Variants in BCL9 observed in about 807,000 individuals in gnomAD.
BCL9 encodes B-cell CLL/lymphoma 9 protein.
A neutral mutation model predicts 88.5 loss-of-function variants in BCL9; 25 were observed. The ratio of observed to expected loss-of-function variants is 0.28; its 90% CI spans 0.21 to 0.39. The LOEUF is 0.39. BCL9 is among the 10% of genes least tolerant of loss of function. The probability of loss-of-function intolerance (pLI) is 1.00; values close to 1 mark genes in which losing one functional copy is unlikely to be tolerated. For missense variants in BCL9, 1,817 were observed against 1,877.8 expected, an observed-to-expected ratio of 0.97 and a Z score of 0.60; for synonymous variants, 711 against 673.3, an observed-to-expected ratio of 1.06 and a Z score of -0.87.
intron 1 of BCL9, among the ~76,000 whole-genome samples, chr1:147,602,808 T>TG (rs138939565): frequency 0.024 from 3,607 of 152,136 alleles, 128 homozygotes; most frequent in African/African-American, 0.08. Flanking sequence ...CTCTTGTTTG[T>TG]GGGGGGAAAA....
intron 1 of BCL9, among the ~76,000 whole-genome samples, chr1:147,593,785 C>T (rs1553200188): frequency 6.6e-6 from 1 of 151,930 alleles, no homozygotes; most frequent in African/African-American, 2.4e-5. Context: ...AGTAGTTGCT[C>T]AATAAATATT....
At position 147,624,582 on chromosome 1, in the gene BCL9, A is replaced by G. The variant is rs1553206166; in HGVS notation, c.3904A>G (p.Ile1302Val). 1 of 1,614,166 alleles carries G rather than the reference A, an allele frequency of 6.2e-7. No homozygotes were observed. Among genetic ancestry groups the G allele is most frequent in the East Asian group, 2.2e-5 (1 of 44,864 alleles). The change falls in exon 10 of 10, where the codon ATC (isoleucine) becomes GTC (valine). Residue 1302 changes from isoleucine (I) to valine (V), a missense_variant. Transcript: ENST00000234739. The surrounding 1 kb of genome is among the most constrained non-coding windows in gnomAD (Gnocchi z 4.4). ...TCCAGGGCCAGTGGGAACTCCGGAC[A>G]TCCCTCTTGGTACAGCTCCATCCAT... Reference protein sequence around the residue: ...GGPGPVGTPDIPLGTAPSMPG... With the variant: ...GGPGPVGTPDVPLGTAPSMPG...
chr1:147,597,762 T>A (rs1553200636), intron 1 of BCL9, among the ~76,000 whole-genome samples: 1 of 152,222 alleles, frequency 6.6e-6, no homozygotes, highest in Non-Finnish European at 1.5e-5. Context: ...ATGGAACCTC[T>A]AACCTTTAGA....
chr1:147,619,885 A>G lies in BCL9; in HGVS notation c.1730A>G (p.Asn577Ser), dbSNP rs1553204807. 6.2e-7 allele frequency: 1 copy of G among 1,614,212 alleles called. No individual in the cohort carries two copies. The stretch of plus-strand genomic sequence containing the variant: ...ATAAACTCTGAAATGGAAGGGCCGA[A>G]TGTCCCCAACCCTGCATCTAGACCA... Reference protein sequence around the residue: ...GMINSEMEGPNVPNPASRPGL... With the variant: ...GMINSEMEGPSVPNPASRPGL... Residue 577 changes from asparagine (N) to serine (S), a missense_variant, in exon 8 of 10, where the codon AAT becomes AGT. Physicochemically the swap from Asn to Ser is conservative, Grantham distance 46. Around this residue, in one of 2 missense-constraint regions of BCL9, gnomAD observed 1,228 missense variants for 1,191.6 expected, o/e 1.03. Coordinates refer to ENST00000234739, the MANE Select transcript of BCL9 (RefSeq NM_004326.4). The surrounding 1 kb of genome is among the most constrained non-coding windows in gnomAD (Gnocchi z 4.1).
chr1:147,552,663 A>G (rs1381864000), intron 1 of BCL9, among the ~76,000 whole-genome samples: 3 of 152,228 alleles, frequency 2.0e-5, no homozygotes, highest in African/African-American at 7.2e-5. Context: ...GCTTTTAAAG[A>G]TTAGTTTCCT....
In BCL9 at chr1:147,623,906, C is replaced by T. The variant is rs781831442; in HGVS notation, c.3228C>T (p.Thr1076=). Residue 1076 remains threonine (T), a synonymous_variant, in exon 10 of 10, where the codon ACC becomes ACT. Transcript: ENST00000234739. ...CAAACCCCGTGGTTCCGATGCCAAC[C>T]CTCAGCCCAATGGGAATGACCCAGC... ...SGPNPVVPMP[T]LSPMGMTQPL... is the part of the protein sequence containing the mutation. The T allele has an allele frequency of 1.5e-5, 24 of 1,614,072 alleles. No individual in the cohort carries two copies. The highest frequency in any genetic ancestry group is 3.3e-5 in the Admixed American group (2 of 60,014).
chr1:147,617,077 G>T (rs587684314), intron 7 of BCL9, among the ~76,000 whole-genome samples: 1 of 152,270 alleles, frequency 6.6e-6, no homozygotes, highest in African/African-American at 2.4e-5. Flanking sequence ...CAGAGCTTAG[G>T]CCTTCCTAAA....
intron 1 of BCL9, among the ~76,000 whole-genome samples, chr1:147,564,893 C>T (rs1049014607): frequency 3.9e-5 from 6 of 152,038 alleles, no homozygotes; most frequent in Non-Finnish European, 5.9e-5. Context: ...AACCACTATC[C>T]GTATGTGGCC....
At chr1:147,549,224 A>G (rs1327666262) in intron 1 of BCL9, among the ~76,000 whole-genome samples, 7 of 151,712 alleles carry the variant, frequency 4.6e-5, no homozygotes, top group African/African-American at 1.5e-4. Context: ...CGATCCACCC[A>G]CCTCAACCTC....
At chr1:147,588,629 A>G (rs1656720861) in intron 1 of BCL9, among the ~76,000 whole-genome samples, 1 of 152,016 alleles carries the variant, frequency 6.6e-6, no homozygotes, top group Non-Finnish European at 1.5e-5. Flanking sequence ...GAAGAGGAGG[A>G]TTTGTCCCAA....
At chr1:147,616,987 A>G (rs1658314625) in intron 7 of BCL9, among the ~76,000 whole-genome samples, 1 of 152,218 alleles carries the variant, frequency 6.6e-6, no homozygotes, top group Non-Finnish European at 1.5e-5. Context: ...ATAAATGATC[A>G]AAGTGACAAT....
intron 1 of BCL9, among the ~76,000 whole-genome samples, chr1:147,573,739 T>C (rs1378129739): frequency 6.6e-6 from 1 of 152,184 alleles, no homozygotes; most frequent in Non-Finnish European, 1.5e-5. Flanking sequence ...TTTAACACAA[T>C]GCCTGGTTCA....
intron 1 of BCL9, among the ~76,000 whole-genome samples, chr1:147,544,267 T>C (rs1350082877): frequency 6.6e-6 from 1 of 152,186 alleles, no homozygotes; most frequent in African/African-American, 2.4e-5. Context: ...TGACTCAAAG[T>C]GTGTAACTAG....
chr1:147,587,854 G>A (rs1212968470), intron 1 of BCL9, among the ~76,000 whole-genome samples: 1 of 151,814 alleles, frequency 6.6e-6, no homozygotes, highest in African/African-American at 2.4e-5. Context: ...CAACTTTTCT[G>A]TGTCATGGGC....
Position 147,620,774 on chromosome 1 carries a change from A to G in BCL9, c.2619A>G (p.Ser873=), listed in dbSNP as rs782329995. 9 of 1,613,948 alleles carry G rather than the reference A, an allele frequency of 5.6e-6. No homozygotes were observed. The highest frequency in any genetic ancestry group is 7.6e-6 in the Non-Finnish European group (9 of 1,180,022). The change falls in exon 8 of 10, where the codon TCA becomes TCG. Residue 873 remains serine, a synonymous_variant. Transcript: ENST00000234739. ...CTCCCACGATGCACCAAGTCCAGTC[A>G]CCAATGCTGGGCTCGCCCTCGGGGA... is the stretch of plus-strand genomic sequence containing the variant. ...LKSPTMHQVQ[S]PMLGSPSGNL... is the part of the protein sequence containing the mutation.
At chr1:147,562,149 A>G (rs1553196184) in intron 1 of BCL9, among the ~76,000 whole-genome samples, 1 of 151,996 alleles carries the variant, frequency 6.6e-6, no homozygotes, top group South Asian at 2.1e-4. Context: ...ACCAACATGG[A>G]GAAACCCTGT....
chr1:147,580,798 C>T (rs1656330525), intron 1 of BCL9, among the ~76,000 whole-genome samples: 2 of 152,174 alleles, frequency 1.3e-5, no homozygotes, highest in South Asian at 4.1e-4. Context: ...ATTAGTAGCT[C>T]CATTCCTCTA....
At chr1:147,622,897 G>A (rs587723144) in intron 9 of BCL9, among the ~76,000 whole-genome samples, 2 of 151,534 alleles carry the variant, frequency 1.3e-5, no homozygotes, top group South Asian at 4.2e-4. Context: ...TTTTTTTCTG[G>A]AAGAGCAGCC....
At chr1:147,616,918 C>G (rs1166864666) in intron 7 of BCL9, among the ~76,000 whole-genome samples, 1 of 152,204 alleles carries the variant, frequency 6.6e-6, no homozygotes, top group Non-Finnish European at 1.5e-5. Context: ...TCCCTGCTTT[C>G]AGGGAGCATG....
Sources: gnomAD v4.1 joint callset for allele counts (sites outside exome capture counted in the v4.1 genomes callset) on GRCh38, gnomAD v4.1.1 for gene constraint, gnomAD v4.1.1 regional missense constraint, Gnocchi (gnomAD v3.1) non-coding constraint, MANE v1.5 for transcripts, NCBI Gene and HGNC (gene_info 2026-07-23, HGNC 2026-07-21) for gene names.